The following CELF5 variants were observed in gnomAD, a reference collection of about 807,000 sequenced individuals.
CELF5 encodes CUGBP Elav-like family member 5.
In CELF5, 6 loss-of-function variants were observed where a neutral mutation model predicts 54.9. The ratio of observed to expected loss-of-function variants is 0.11; its 90% confidence interval spans 0.06 to 0.22. The LOEUF (loss-of-function observed/expected upper bound fraction) is 0.22. CELF5 is among the 10% of genes least tolerant of loss of function. The pLI is 1.00. For synonymous variants in CELF5, 271 were observed against 290.9 expected (o/e 0.93, Z 0.70); for missense variants, 401 against 678.6 (o/e 0.59, Z 4.54).
intron 1 of CELF5, among the ~76,000 whole-genome samples, chr19:3,236,553 G>T (rs1215031232): frequency 6.6e-6 from 1 of 152,114 alleles, no homozygotes; most frequent in African/African-American, 2.4e-5. Flanking sequence ...TGGGAGGGGG[G>T]TTCCTGGCTG....
intron 1 of CELF5, among the ~76,000 whole-genome samples, chr19:3,246,278 C>T (rs1418895079): frequency 6.6e-6 from 1 of 152,088 alleles, no homozygotes; most frequent in South Asian, 2.1e-4. Flanking sequence ...ACAGGAGAAT[C>T]GCTTGAACCC....
At chr19:3,258,676 A>G (rs1296428865) in intron 2 of CELF5, among the ~76,000 whole-genome samples, 2 of 151,926 alleles carry the variant, frequency 1.3e-5, no homozygotes, top group African/African-American at 2.4e-5. Context: ...CAGTGTTGCA[A>G]TCATAGCTTT....
At chr19:3,265,295 A>G (rs1376805743) in intron 2 of CELF5, among the ~76,000 whole-genome samples, 2 of 152,156 alleles carry the variant, frequency 1.3e-5, no homozygotes, top group African/African-American at 4.8e-5. Flanking sequence ...CTATTGATGC[A>G]AAGCAGACAA....
In CELF5 at chr19:3,284,911, C is replaced by T; in HGVS notation, c.1049C>T (p.Pro350Leu). The T allele has an allele frequency of 6.2e-7, 1 of 1,612,986 alleles. No homozygotes were observed. The highest frequency in any genetic ancestry group is 8.5e-7 in the Non-Finnish European group (1 of 1,179,610). ...CTCTGTCTGCCCGCAGCTCAGAGCC[C>T]GACTGTGGCCGAGACACTGCATCCT... ...NGLVPYPAQSPTVAETLHPAF... is the reference protein window; with the variant it reads ...NGLVPYPAQSLTVAETLHPAF... The change falls in exon 9 of 13, where the codon CCG (proline) becomes CTG (leucine). Residue 350 changes from proline to leucine, a missense_variant. Coordinates refer to ENST00000292672, the MANE Select transcript of CELF5 (RefSeq NM_021938.4).
At chr19:3,245,387 T>C (rs975518699) in intron 1 of CELF5, among the ~76,000 whole-genome samples, 1 of 148,844 alleles carries the variant, frequency 6.7e-6, no homozygotes, top group African/African-American at 2.5e-5. Flanking sequence ...TGTGTATGCA[T>C]CTGTGTGTGT....
At chr19:3,294,900 C>T (rs185589797) in intron 12 of CELF5, 53 of 152,348 alleles carry the variant, frequency 3.5e-4, no homozygotes, top group African/African-American at 1.2e-3. Flanking sequence ...TGAACTCTGG[C>T]CTTTGTGGGA....
chr19:3,256,797 A>T (rs994308964), intron 2 of CELF5, among the ~76,000 whole-genome samples: 3 of 151,688 alleles, frequency 2.0e-5, no homozygotes, highest in African/African-American at 7.3e-5. Context: ...CAAACTCCTG[A>T]CCTCAAGTGA....
intron 10 of CELF5, among the ~76,000 whole-genome samples, chr19:3,287,716 G>GCA (rs1304677908): frequency 2.0e-5 from 3 of 152,112 alleles, no homozygotes; most frequent in Non-Finnish European, 4.4e-5. Flanking sequence ...TCATGCCACT[G>GCA]CACTGCAGCC....
At chr19:3,249,426 T>C (rs1298407484) in intron 1 of CELF5, among the ~76,000 whole-genome samples, 1 of 152,192 alleles carries the variant, frequency 6.6e-6, no homozygotes, top group Non-Finnish European at 1.5e-5. Context: ...TGTCAACGTC[T>C]CTGGTCTCCC....
chr19:3,260,782 C>T (rs562930942), intron 2 of CELF5, among the ~76,000 whole-genome samples: 4 of 152,042 alleles, frequency 2.6e-5, no homozygotes, highest in African/African-American at 4.8e-5. Context: ...GCCACCATGA[C>T]CGGCTAATTT....
chr19:3,232,970 AG>A (rs1306473022), intron 1 of CELF5, among the ~76,000 whole-genome samples: 1 of 152,018 alleles, frequency 6.6e-6, no homozygotes, highest in Non-Finnish European at 1.5e-5. Context: ...GCTACTCGGG[AG>A]GCTGAGGCAA....
intron 10 of CELF5, among the ~76,000 whole-genome samples, chr19:3,289,417 C>T (rs1031908266): frequency 1.3e-5 from 2 of 152,068 alleles, no homozygotes; most frequent in South Asian, 2.1e-4. Flanking sequence ...TGCAATGGCT[C>T]ACGCCTGTAA....
intron 10 of CELF5, chr19:3,286,273 G>C: frequency 2.2e-6 from 1 of 463,094 alleles, no homozygotes; most frequent in East Asian, 3.6e-5. Context: ...CTTCCTACCA[G>C]CCCTCTCCAG....
At chr19:3,230,590 G>A (rs886251615) in intron 1 of CELF5, among the ~76,000 whole-genome samples, 2 of 152,178 alleles carry the variant, frequency 1.3e-5, no homozygotes, top group Non-Finnish European at 2.9e-5. Context: ...ATGCTGGACT[G>A]AGCTTGGACT....
At chr19:3,274,164 G>GA (rs1287648247) in intron 3 of CELF5, among the ~76,000 whole-genome samples, 1 of 151,884 alleles carries the variant, frequency 6.6e-6, no homozygotes, top group African/African-American at 2.4e-5. Flanking sequence ...GGGAGGATGG[G>GA]GGGTCTAGCC....
intron 2 of CELF5, among the ~76,000 whole-genome samples, chr19:3,271,156 G>C (rs1383114833): frequency 6.6e-6 from 1 of 151,860 alleles, no homozygotes; most frequent in Non-Finnish European, 1.5e-5. Flanking sequence ...CAAGGTGCTG[G>C]GAGGGGGGAG....
At chr19:3,249,791 G>A (rs564615284) in intron 1 of CELF5, among the ~76,000 whole-genome samples, 46 of 152,292 alleles carry the variant, frequency 3.0e-4, no homozygotes, top group African/African-American at 9.9e-4. Flanking sequence ...GAGGGGGAGC[G>A]CATGATCCAA....
intron 1 of CELF5, among the ~76,000 whole-genome samples, chr19:3,248,920 TTC>T (rs2079608974): frequency 8.2e-6 from 1 of 121,920 alleles, no homozygotes; most frequent in Non-Finnish European, 1.7e-5. Context: ...CTTTCTTTCT[TTC>T]TTTCTTTTCT....
intron 12 of CELF5, chr19:3,293,733 C>T (rs1029049308): frequency 3.0e-6 from 1 of 335,806 alleles, no homozygotes; most frequent in Non-Finnish European, 5.6e-6. Context: ...CCAGTGAGGT[C>T]GGTTAGGGAA....
Sources: gnomAD v4.1 joint callset for allele counts (sites outside exome capture counted in the v4.1 genomes callset) on GRCh38, gnomAD v4.1.1 for gene constraint, MANE v1.5 for transcripts, NCBI Gene and HGNC (gene_info 2026-07-23, HGNC 2026-07-21) for gene names.